ZNF804B: variants seen among roughly 807,000 people sequenced by gnomAD.
ZNF804B encodes the protein zinc finger protein 804B, also known as zinc finger 804B.
A neutral mutation model predicts 101.4 loss-of-function variants in ZNF804B; 80 were observed. The observed-to-expected ratio is 0.79, with a 90% CI of 0.66 to 0.95. ZNF804B has a LOEUF of 0.95. Among genes scored for constraint, ZNF804B ranks in the 40% least tolerant of loss-of-function variants. The pLI, the probability that ZNF804B is intolerant of heterozygous loss-of-function variation, is 0.00. For missense variants in ZNF804B, 1,673 were observed against 1,561.9 expected, an observed-to-expected ratio of 1.07 and a Z score of -1.20; for synonymous variants, 622 against 558.8, an observed-to-expected ratio of 1.11 and a Z score of -1.59.
chr7:89,077,019 A>G (rs1789624354), intron 1 of ZNF804B, among the ~76,000 whole-genome samples: 1 of 152,234 alleles, frequency 6.6e-6, no homozygotes, highest in Non-Finnish European at 1.5e-5. Flanking sequence ...CATAATCTGC[A>G]GGGTCAGAGC....
intron 1 of ZNF804B, among the ~76,000 whole-genome samples, chr7:88,858,741 A>G (rs984542856): frequency 1.3e-5 from 2 of 152,144 alleles, no homozygotes; most frequent in African/African-American, 4.8e-5. Context: ...AGACTTTTGG[A>G]GACATTTTAG....
intron 1 of ZNF804B, among the ~76,000 whole-genome samples, chr7:89,185,904 A>C (rs949537482): frequency 4.6e-5 from 7 of 151,968 alleles, no homozygotes; most frequent in Non-Finnish European, 1.0e-4. Context: ...AAAAAAAAAG[A>C]CACAATTTTA....
intron 1 of ZNF804B, among the ~76,000 whole-genome samples, chr7:88,890,457 C>T (rs1792199880): frequency 6.6e-6 from 1 of 152,112 alleles, no homozygotes; most frequent in African/African-American, 2.4e-5. Context: ...GCCAAAATGT[C>T]TTCCAAAGTG....
chr7:89,113,389 A>G (rs1433133531), intron 1 of ZNF804B, among the ~76,000 whole-genome samples: 9 of 152,208 alleles, frequency 5.9e-5, no homozygotes, highest in Non-Finnish European at 1.2e-4. Context: ...AAAAAATAGC[A>G]TAAAGAGTGA....
At chr7:89,133,244 C>T (rs959114216) in intron 1 of ZNF804B, among the ~76,000 whole-genome samples, 7 of 152,002 alleles carry the variant, frequency 4.6e-5, no homozygotes, top group Non-Finnish European at 8.8e-5. Flanking sequence ...AACCAGGATG[C>T]TAGATTGGTT....
chr7:89,112,634 CAGTT>C (rs1371845823), intron 1 of ZNF804B, among the ~76,000 whole-genome samples: 3 of 152,106 alleles, frequency 2.0e-5, no homozygotes, highest in African/African-American at 7.2e-5. Flanking sequence ...GCTCTAGAAT[CAGTT>C]TGTCAATAAA....
At chr7:88,897,316 T>C (rs1201069944) in intron 1 of ZNF804B, among the ~76,000 whole-genome samples, 7 of 152,138 alleles carry the variant, frequency 4.6e-5, no homozygotes, top group African/African-American at 1.7e-4. Flanking sequence ...TGGCAAAAGA[T>C]GTCACAGTGG....
chr7:88,834,399 T>C (rs1325497459), intron 1 of ZNF804B, among the ~76,000 whole-genome samples: 1 of 151,776 alleles, frequency 6.6e-6, no homozygotes, highest in Non-Finnish European at 1.5e-5. Context: ...AGAATTCCAA[T>C]ATAGTCTATA....
At chr7:88,974,243 C>T (rs985844297) in intron 1 of ZNF804B, among the ~76,000 whole-genome samples, 6 of 149,996 alleles carry the variant, frequency 4.0e-5, no homozygotes, top group Non-Finnish European at 7.4e-5. Flanking sequence ...TATGTAAATA[C>T]ATATATATGA....
intron 2 of ZNF804B, among the ~76,000 whole-genome samples, chr7:89,258,731 A>G (rs1048487493): frequency 2.6e-5 from 4 of 152,138 alleles, no homozygotes; most frequent in Non-Finnish European, 5.9e-5. Context: ...TTGTAAATGT[A>G]TTATGTACTG....
chr7:89,077,715 T>C (rs1294658755), intron 1 of ZNF804B, among the ~76,000 whole-genome samples: 3 of 152,172 alleles, frequency 2.0e-5, no homozygotes, highest in African/African-American at 7.2e-5. Context: ...ACTGTATATT[T>C]TTGAATAAAA....
intron 2 of ZNF804B, among the ~76,000 whole-genome samples, chr7:89,326,399 G>T (rs1297514665): frequency 1.3e-5 from 2 of 152,034 alleles, no homozygotes; most frequent in African/African-American, 4.8e-5. Context: ...GTAACAGTCG[G>T]CTCCAGTATT....
intron 1 of ZNF804B, among the ~76,000 whole-genome samples, chr7:89,103,823 T>C (rs1292123149): frequency 6.6e-6 from 1 of 152,006 alleles, no homozygotes; most frequent in Non-Finnish European, 1.5e-5. Flanking sequence ...TTAGAGGAAA[T>C]GCTTTCAACT....
At chr7:89,077,555 A>C (rs530200659) in intron 1 of ZNF804B, among the ~76,000 whole-genome samples, 1 of 152,272 alleles carries the variant, frequency 6.6e-6, no homozygotes, top group African/African-American at 2.4e-5. Flanking sequence ...GAGGAAGATA[A>C]AACCTTGTGG....
intron 2 of ZNF804B, among the ~76,000 whole-genome samples, chr7:89,298,257 T>TATATATAC (rs1429786060): frequency 4.4e-4 from 48 of 108,398 alleles, no homozygotes; most frequent in East Asian, 4.0e-3. Context: ...TATATATATA[T>TATATATAC]ACTTTAAGTT....
intron 2 of ZNF804B, among the ~76,000 whole-genome samples, chr7:89,222,456 T>C (rs979724088): frequency 2.0e-5 from 3 of 152,006 alleles, no homozygotes; most frequent in African/African-American, 7.2e-5. Context: ...CCCATTTATA[T>C]GATCACTCTT....
chr7:89,177,406 C>T (rs542176940), intron 1 of ZNF804B, among the ~76,000 whole-genome samples: 1 of 152,154 alleles, frequency 6.6e-6, no homozygotes, highest in East Asian at 1.9e-4. Flanking sequence ...GTTCAATTAC[C>T]ATGCGTTTGT....
intron 1 of ZNF804B, among the ~76,000 whole-genome samples, chr7:89,173,517 A>G (rs557068179): frequency 3.3e-5 from 5 of 152,214 alleles, no homozygotes; most frequent in African/African-American, 1.2e-4. Flanking sequence ...TTAGTTTCAA[A>G]CTAGAATTAA....
intron 2 of ZNF804B, among the ~76,000 whole-genome samples, chr7:89,322,496 C>T: frequency 6.6e-6 from 1 of 151,816 alleles, no homozygotes; most frequent in Admixed American, 6.6e-5. Flanking sequence ...ATATCTGGTT[C>T]CTTTAAAATA....
Sources: gnomAD v4.1 joint callset for allele counts (sites outside exome capture counted in the v4.1 genomes callset) on GRCh38, gnomAD v4.1.1 for gene constraint, MANE v1.5 for transcripts, NCBI Gene and HGNC (gene_info 2026-07-23, HGNC 2026-07-21) for gene names.